FBLN1: variants seen among roughly 807,000 people sequenced by gnomAD.
The protein encoded by FBLN1 is fibulin 1.
FBLN1 carries 34 observed loss-of-function variants against 89.7 expected under a neutral mutation model. The ratio of observed to expected loss-of-function variants is 0.38; its 90% confidence interval spans 0.29 to 0.50. The LOEUF (loss-of-function observed/expected upper bound fraction) is 0.50. Among genes scored for constraint, FBLN1 ranks in the 20% least tolerant of loss-of-function variants. The pLI is 0.92. For synonymous variants in FBLN1, 393 were observed against 391.3 expected, an observed-to-expected ratio of 1.00 and a Z score of -0.05; for missense variants, 777 against 988.1, an observed-to-expected ratio of 0.79 and a Z score of 2.86.
intron 8 of FBLN1, among the ~76,000 whole-genome samples, chr22:45,540,462 T>TA (rs561462648): frequency 6.6e-6 from 1 of 152,184 alleles, no homozygotes; most frequent in South Asian, 2.1e-4. Context: ...CTTTCTGACT[T>TA]ACGCTCAGGG....
intron 14 of FBLN1, among the ~76,000 whole-genome samples, chr22:45,555,290 T>A (rs1020224926): frequency 5.1e-4 from 74 of 143,992 alleles, no homozygotes; most frequent in Admixed American, 4.4e-3. Flanking sequence ...TATATATATA[T>A]AAAATGGAAT....
At position 45,556,681 on chromosome 22, in the gene FBLN1, CAACACTGT is replaced by C. The variant is rs1453327691; in HGVS notation, c.1697+6070_1697+6077del. ...GATAGTCTGGGTCAGCCACCCCAGCCAACACTGTAACTCCCTTCTTAGCCTGTTGACTT... is the reference window on the plus strand; with the variant it reads ...GATAGTCTGGGTCAGCCACCCCAGCCAACTCCCTTCTTAGCCTGTTGACTT... On this transcript the variant is annotated intron_variant, in intron 14 of 16. Coordinates refer to ENST00000327858, the MANE Select transcript of FBLN1 (RefSeq NM_006486.3). The surrounding 1 kb of genome is among the most constrained non-coding windows in gnomAD (Gnocchi z 4.6). Among the ~76,000 whole-genome samples, 2 of 152,132 alleles carry C rather than the reference CAACACTGT, an allele frequency of 1.3e-5. No individual in the cohort carries two copies. The highest frequency in any genetic ancestry group is 2.9e-5 in the Non-Finnish European group (2 of 68,036).
intron 14 of FBLN1, chr22:45,565,048 T>C (rs1216020383): frequency 6.2e-7 from 1 of 1,609,378 alleles, no homozygotes; most frequent in African/African-American, 1.3e-5. Context: ...TGAGCAGCTG[T>C]GATTGTGCCA....
chr22:45,507,848 T>C (rs1484853668), intron 1 of FBLN1, among the ~76,000 whole-genome samples: 1 of 152,154 alleles, frequency 6.6e-6, no homozygotes, highest in Non-Finnish European at 1.5e-5. Flanking sequence ...TTTTGGATCC[T>C]GTTACCCACT....
In FBLN1 at chr22:45,576,307, C is replaced by T. The variant is rs1035710987; in HGVS notation, c.1841-670C>T. ...CAGCCCCGATCTGAGTGTTGGTTATCGCAGGGAGCCGAGTGCCGTTGGGAC... is the reference window on the plus strand; with the variant it reads ...CAGCCCCGATCTGAGTGTTGGTTATTGCAGGGAGCCGAGTGCCGTTGGGAC... On this transcript the variant is annotated intron_variant, in intron 15 of 16. Transcript: ENST00000327858. This position sits in a 1 kb window ranked among gnomAD's most constrained non-coding sequence, Gnocchi z 5.2. Among the ~76,000 whole-genome samples, 2 of 152,256 alleles carry T rather than the reference C, an allele frequency of 1.3e-5. No homozygotes were observed. Among genetic ancestry groups the T allele is most frequent in the South Asian group, 2.1e-4 (1 of 4,828 alleles).
chr22:45,592,501 T>C lies in FBLN1; in HGVS notation c.1973-7806T>C, dbSNP rs192790473. ...TGCCACCATGCCCAGCTAATTTTTG[T>C]ATTTTTAGTAGAGACAGGGTTTCGA... On this transcript the variant is annotated intron_variant, in intron 16 of 16. Coordinates refer to ENST00000327858, the MANE Select transcript of FBLN1 (RefSeq NM_006486.3). Among the ~76,000 whole-genome samples, 319 of 152,226 alleles carry C rather than the reference T, an allele frequency of 2.1e-3. 2 individuals carry two copies. The highest frequency in any genetic ancestry group is 7.5e-3 in the African/African-American group (312 of 41,534).
intron 14 of FBLN1, among the ~76,000 whole-genome samples, chr22:45,570,983 T>C (rs1013218607): frequency 6.6e-6 from 1 of 151,728 alleles, no homozygotes; most frequent in African/African-American, 2.4e-5. Flanking sequence ...AAAATTAGCA[T>C]GGTGGTGCAC....
chr22:45,525,749 A>G (rs1454039639), intron 3 of FBLN1, 71 bp downstream of exon 3: 1 of 1,544,244 alleles, frequency 6.5e-7, no homozygotes, highest in African/African-American at 1.4e-5. Context: ...CTCCCAGCCA[A>G]GCGGCACTGT....
chr22:45,517,419 T>C, intron 1 of FBLN1: 1 of 386,488 alleles, frequency 2.6e-6, no homozygotes, highest in Non-Finnish European at 5.2e-6. Context: ...TCTTCTCCCT[T>C]CCGTGAGCTG....
intron 1 of FBLN1, among the ~76,000 whole-genome samples, chr22:45,510,335 C>G (rs1021134461): frequency 3.3e-5 from 5 of 152,098 alleles, no homozygotes; most frequent in African/African-American, 7.2e-5. Context: ...GGAAATTTTG[C>G]CAGAGCAATG....
intron 14 of FBLN1, among the ~76,000 whole-genome samples, chr22:45,569,254 A>G (rs910685895): frequency 2.6e-5 from 4 of 152,152 alleles, no homozygotes; most frequent in Admixed American, 1.3e-4. Flanking sequence ...TAAAGTCCCT[A>G]TCTCCAAATG....
At chr22:45,546,969 G>C (rs774062032) in intron 11 of FBLN1, 116 bp from the exon 12 acceptor site, 22 of 1,526,660 alleles carry the variant, frequency 1.4e-5, no homozygotes, top group Admixed American at 8.4e-5. Context: ...CTGTCTCTCC[G>C]AGTGTGTTAA....
At chr22:45,554,274 C>A (rs1027365691) in intron 14 of FBLN1, among the ~76,000 whole-genome samples, 2 of 152,246 alleles carry the variant, frequency 1.3e-5, no homozygotes, top group Admixed American at 6.5e-5. Flanking sequence ...CCATGCTCCT[C>A]CCCCAGTTCA....
intron 14 of FBLN1, chr22:45,565,044 G>C (rs1416614200): frequency 1.2e-6 from 2 of 1,610,186 alleles, no homozygotes; most frequent in South Asian, 2.2e-5. Context: ...GCGCTGAGCA[G>C]CTGTGATTGT....
chr22:45,560,988 G>A (rs150607084), intron 14 of FBLN1, among the ~76,000 whole-genome samples: 156 of 152,254 alleles, frequency 1.0e-3, no homozygotes, highest in African/African-American at 3.4e-3. Context: ...GGGCGGGGAT[G>A]TTGCCACTAC....
Position 45,600,467 on chromosome 22 carries a change from C to T in FBLN1, c.*21C>T, listed in dbSNP as rs768393727. On this transcript the variant is annotated 3_prime_UTR_variant, in exon 17 of 17. Coordinates refer to ENST00000327858, the MANE Select transcript of FBLN1 (RefSeq NM_006486.3). ...TCTGAGGGCTGGTCTGCCGCACAGC[C>T]GCAGGTGCACCTCCAGGCCAAATCA... 25 of 1,614,060 alleles carry T rather than the reference C, an allele frequency of 1.5e-5. No homozygotes were observed. Among genetic ancestry groups the T allele is most frequent in the Admixed American group, 6.7e-5 (4 of 60,036 alleles).
At chr22:45,584,446 C>A (rs1204040995) in intron 16 of FBLN1, among the ~76,000 whole-genome samples, 1 of 152,192 alleles carries the variant, frequency 6.6e-6, no homozygotes, top group Non-Finnish European at 1.5e-5. Flanking sequence ...GCGTGAGTGG[C>A]CCCTTTTAGG....
At position 45,562,459 on chromosome 22, in the gene FBLN1, A is replaced by T. The variant is rs1167375955; in HGVS notation, c.1697+11844A>T. 6.6e-6 allele frequency among the ~76,000 whole-genome samples: 1 copy of T among 152,128 alleles called. No homozygotes were observed. The highest frequency in any genetic ancestry group is 6.5e-5 in the Admixed American group (1 of 15,272). On this transcript the variant is annotated intron_variant, in intron 14 of 16. Transcript: ENST00000327858. This position sits in a 1 kb window ranked among gnomAD's most constrained non-coding sequence, Gnocchi z 7.8. ...CACTAGAGAGTGCATGGTGAGGAAG[A>T]GCTGAGCACTTGGTAAACGGCAGCA...
intron 2 of FBLN1, among the ~76,000 whole-genome samples, chr22:45,524,643 G>A (rs1602174049): frequency 1.3e-5 from 2 of 152,288 alleles, no homozygotes; most frequent in East Asian, 3.9e-4. Flanking sequence ...CCCAGAGTCA[G>A]CCCCCCGCCG....
Sources: allele counts gnomAD v4.1 joint callset (sites outside exome capture counted in the v4.1 genomes callset), GRCh38; gene constraint gnomAD v4.1.1; non-coding constraint Gnocchi (gnomAD v3.1); transcripts MANE v1.5; gene names NCBI Gene and HGNC (gene_info 2026-07-23, HGNC 2026-07-21).